Variants in TIMM23B observed in about 807,000 individuals in gnomAD.
TIMM23B encodes mitochondrial import inner membrane translocase subunit Tim23B.
In TIMM23B, 27 loss-of-function variants were observed where a neutral mutation model predicts 27.3. That is an observed-to-expected ratio of 0.99 (90% CI 0.73 to 1.36). TIMM23B has a LOEUF of 1.36. Ranked by LOEUF, TIMM23B falls within the 40% of genes most tolerant of loss-of-function variation. The pLI, the probability that TIMM23B is intolerant of heterozygous loss-of-function variation, is 0.00. For missense variants in TIMM23B, 205 were observed against 244.2 expected (o/e 0.84, Z 1.07); for synonymous variants, 73 against 92.4 (o/e 0.79, Z 1.21).
rs1257781257 is a variant in TIMM23B at position 49,958,400 on chromosome 10, T to C, written c.434T>C (p.Ile145Thr). 2.2e-4 allele frequency: 352 copies of C among 1,613,926 alleles called. No homozygotes were observed. In the African/African-American group the frequency reaches 4.4e-3, roughly 20 times the overall value. The change falls in exon 6 of 7, where the codon ATT becomes ACT. Residue 145 changes from isoleucine to threonine, a missense_variant. Coordinates refer to ENST00000651259, the MANE Select transcript of TIMM23B (RefSeq NM_001290117.2). ...ALLYSAFGVI[I>T]EKTRGAEDDL... is the part of the protein sequence containing the mutation. ...CTCTATAGTGCATTTGGTGTCATCA[T>C]TGAGAAAACACGAGGTGCAGAAGAT...
intron 6 of TIMM23B, among the ~76,000 whole-genome samples, chr10:49,966,159 C>T (rs1360515124): frequency 6.5e-5 from 9 of 138,206 alleles, no homozygotes; most frequent in South Asian, 2.3e-4. Flanking sequence ...CTCCAGCTTG[C>T]GCGGTAGAGT....
At chr10:49,961,447 T>G (rs1839902413) in intron 6 of TIMM23B, among the ~76,000 whole-genome samples, 1 of 151,248 alleles carries the variant, frequency 6.6e-6, no homozygotes, top group Non-Finnish European at 1.5e-5. Flanking sequence ...CGGTTTGCTG[T>G]TTGGTGGTTT....
intron 1 of TIMM23B, 96 bp downstream of exon 1, chr10:49,942,396 C>T (rs1839147934): frequency 1.3e-6 from 2 of 1,540,804 alleles, no homozygotes; most frequent in Non-Finnish European, 1.8e-6. Context: ...GTTTTTTTTT[C>T]CTTGCTGGCG....
At chr10:49,958,556 A>T in intron 6 of TIMM23B, 76 bp downstream of exon 6, 1 of 1,297,624 alleles carries the variant, frequency 7.7e-7, no homozygotes, top group East Asian at 2.3e-5. Context: ...TTTTCAAGGA[A>T]ATTACACTCT....
At chr10:49,948,935 C>T (rs61847095) in intron 2 of TIMM23B, among the ~76,000 whole-genome samples, 12,926 of 152,172 alleles carry the variant, frequency 0.085, 992 homozygotes, top group African/African-American at 0.2. Context: ...CTTCCAGACT[C>T]GAGTTGCAGT....
At chr10:49,963,235 T>C (rs1839985057) in intron 6 of TIMM23B, among the ~76,000 whole-genome samples, 1 of 152,148 alleles carries the variant, frequency 6.6e-6, no homozygotes, top group African/African-American at 2.4e-5. Flanking sequence ...AAATGAATAA[T>C]GAAATGCCGG....
intron 1 of TIMM23B, among the ~76,000 whole-genome samples, chr10:49,942,826 A>C (rs1327823473): frequency 6.6e-6 from 1 of 152,208 alleles, no homozygotes; most frequent in Non-Finnish European, 1.5e-5. Context: ...TGATATATAG[A>C]CATGAAGAAA....
At chr10:49,968,478 C>CA (rs1554855828) in intron 6 of TIMM23B, among the ~76,000 whole-genome samples, 1 of 151,948 alleles carries the variant, frequency 6.6e-6, no homozygotes, top group African/African-American at 2.4e-5. Flanking sequence ...ACCAACCCAA[C>CA]AAAAAAAGCT....
chr10:49,952,627 T>G, intron 4 of TIMM23B, 94 bp downstream of exon 4: 2 of 1,420,426 alleles, frequency 1.4e-6, no homozygotes, highest in South Asian at 2.6e-5. Flanking sequence ...TACAGATGGT[T>G]AGCATAGTTA....
At chr10:49,960,429 C>T (rs1347874432) in intron 6 of TIMM23B, among the ~76,000 whole-genome samples, 5 of 151,050 alleles carry the variant, frequency 3.3e-5, no homozygotes, top group African/African-American at 4.9e-5. Context: ...TTCAGTCTTA[C>T]ATATTGTCTG....
At chr10:49,949,843 C>CT (rs1275600184) in intron 2 of TIMM23B, among the ~76,000 whole-genome samples, 39 of 144,422 alleles carry the variant, frequency 2.7e-4, no homozygotes, top group Admixed American at 3.5e-4. Flanking sequence ...TTGGCAACAA[C>CT]TTTTTTTTTT....
intron 6 of TIMM23B, among the ~76,000 whole-genome samples, chr10:49,964,434 TTGAAA>T (rs782740367): frequency 3.7e-4 from 55 of 150,120 alleles, no homozygotes; most frequent in African/African-American, 7.1e-4. Flanking sequence ...AGTCTCTGTC[TTGAAA>T]TGAAATGAAA....
intron 4 of TIMM23B, 120 bp from the exon 5 acceptor site, chr10:49,954,882 T>C: frequency 1.2e-6 from 1 of 856,586 alleles, no homozygotes; most frequent in East Asian, 2.6e-5. Context: ...AGATGTATTT[T>C]AGAATTTAAA....
chr10:49,948,258 A>T (rs1839415185), intron 2 of TIMM23B, among the ~76,000 whole-genome samples: 1 of 152,176 alleles, frequency 6.6e-6, no homozygotes, highest in Non-Finnish European at 1.5e-5. Context: ...ACCTCTGTAC[A>T]TTGCTGGTGG....
chr10:49,948,571 A>G (rs1839424796), intron 2 of TIMM23B, among the ~76,000 whole-genome samples: 1 of 152,258 alleles, frequency 6.6e-6, no homozygotes, highest in Non-Finnish European at 1.5e-5. Flanking sequence ...TACAATATAA[A>G]TGAACCTTTA....
intron 2 of TIMM23B, among the ~76,000 whole-genome samples, chr10:49,950,654 G>T (rs1839498821): frequency 6.6e-6 from 1 of 150,722 alleles, no homozygotes; most frequent in South Asian, 2.1e-4. Flanking sequence ...CAATTCTCCT[G>T]CCTCAGCCTC....
At position 49,973,199 on chromosome 10, in the gene TIMM23B, A is replaced by G. The variant is rs1554856918; in HGVS notation, c.*135A>G. The G allele has an allele frequency of 2.6e-5, 15 of 576,806 alleles. No homozygotes were observed. 35.7% of individuals were successfully genotyped at this position (576,806 alleles called of 1,614,324 possible). A position where few individuals can be genotyped will look rare whatever the true frequency, so the allele number is the denominator to read the frequency against. ...TGACTTTTCCATGGAATGGACAAGTAGTAGTCTCTGTCAGAGCTACATTTT... is the reference window on the plus strand; with the variant it reads ...TGACTTTTCCATGGAATGGACAAGTGGTAGTCTCTGTCAGAGCTACATTTT... On this transcript the variant is annotated 3_prime_UTR_variant, in exon 7 of 7. Coordinates refer to ENST00000651259, the MANE Select transcript of TIMM23B (RefSeq NM_001290117.2).
At chr10:49,961,522 G>A (rs1396453432) in intron 6 of TIMM23B, among the ~76,000 whole-genome samples, 2 of 151,940 alleles carry the variant, frequency 1.3e-5, no homozygotes, top group African/African-American at 4.8e-5. Flanking sequence ...GCAGCTAGCT[G>A]TCCTGGGCTC....
In TIMM23B at chr10:49,958,415, G is replaced by C; in HGVS notation, c.449G>C (p.Gly150Ala). Residue 150 changes from glycine to alanine, a missense_variant, in exon 6 of 7, where the codon GGT becomes GCT. Coordinates refer to ENST00000651259, the MANE Select transcript of TIMM23B (RefSeq NM_001290117.2). ...AFGVIIEKTR[G>A]AEDDLNTVAA... is the part of the protein sequence containing the mutation. The stretch of plus-strand genomic sequence containing the variant: ...GGTGTCATCATTGAGAAAACACGAG[G>C]TGCAGAAGATGACCTTAACACAGTA... 1.2e-6 allele frequency: 2 copies of C among 1,613,880 alleles called. No individual in the cohort carries two copies.
Sources: allele counts gnomAD v4.1 joint callset (sites outside exome capture counted in the v4.1 genomes callset), GRCh38; gene constraint gnomAD v4.1.1; transcripts MANE v1.5; gene names NCBI Gene and HGNC (gene_info 2026-07-23, HGNC 2026-07-21).